Variants in EPHA2 observed in about 807,000 individuals in gnomAD.
EPHA2 encodes ephrin type-A receptor 2.
EPHA2 carries 54 observed loss-of-function variants against 104.9 expected under a neutral mutation model. The ratio of observed to expected loss-of-function variants is 0.51; its 90% CI spans 0.41 to 0.65. The LOEUF (loss-of-function observed/expected upper bound fraction) is 0.65, where lower values mean the gene tolerates loss of function less well. Ranked by LOEUF, EPHA2 falls within the 30% of genes least tolerant of loss-of-function variation. The pLI, the probability that EPHA2 is intolerant of heterozygous loss-of-function variation, is 0.00. For missense variants in EPHA2, 1,117 were observed against 1,369.5 expected (o/e 0.82, Z 2.91); for synonymous variants, 560 against 559.1 (o/e 1.00, Z -0.02).
rs781673577 is a variant in EPHA2 at position 16,148,866 on chromosome 1, G to A, written c.335C>T (p.Ala112Val). ...GTTGAAAGTCTCCTTGCAGGAGCTG[G>A]CGCCACCAGGGAAGCTGTTGCAGTC... is the stretch of plus-strand genomic sequence containing the variant. ...VRDCNSFPGG[A>V]SSCKETFNLY... Residue 112 changes from alanine (A) to valine (V), a missense_variant, in exon 3 of 17, where the codon GCC (alanine) becomes GTC (valine). Ala to Val is a moderately conservative substitution (Grantham distance 64, BLOSUM62 0). Transcript: ENST00000358432. The surrounding 1 kb of genome is among the most constrained non-coding windows in gnomAD (Gnocchi z 4.9). 1.6e-5 allele frequency: 26 copies of A among 1,614,056 alleles called. No homozygotes were observed.
At position 16,138,558 on chromosome 1, in the gene EPHA2, T is replaced by C. The variant is rs547189006; in HGVS notation, c.824-128A>G. ...AGGTCAGTAAATCTCTATGGACCTG[T>C]TTTCTCATCGGCAAAATGTCTTGTG... is the stretch of plus-strand genomic sequence containing the variant. On this transcript the variant is annotated intron_variant, in intron 3 of 16. Transcript: ENST00000358432. The C allele has an allele frequency of 2.9e-6, 4 of 1,375,390 alleles. No individual in the cohort carries two copies. In the East Asian group the frequency reaches 7.0e-5, roughly 24 times the overall value. The allele number at this position is 1,375,390 out of a possible 1,614,324, so 85.2% of individuals were successfully genotyped here. A position where few individuals can be genotyped will look rare whatever the true frequency, so the allele number is the denominator to read the frequency against.
chr1:16,152,747 G>A (rs1359619115), intron 1 of EPHA2, among the ~76,000 whole-genome samples: 1 of 152,204 alleles, frequency 6.6e-6, no homozygotes, highest in East Asian at 1.9e-4. Flanking sequence ...CCAGGCTTCT[G>A]AAGGGTTAAC....
chr1:16,130,545 G>A lies in EPHA2; in HGVS notation c.2476-126C>T, dbSNP rs534795369. ...GAACATCCCAGAAACAGACAGGAAGGGCCTTTCTTGAGCTGCCACCCAACC... is the reference window on the plus strand; with the variant it reads ...GAACATCCCAGAAACAGACAGGAAGAGCCTTTCTTGAGCTGCCACCCAACC... On this transcript the variant is annotated intron_variant, in intron 14 of 16. Coordinates refer to ENST00000358432, the MANE Select transcript of EPHA2 (RefSeq NM_004431.5). This position sits in a 1 kb window ranked among gnomAD's most constrained non-coding sequence, Gnocchi z 4.5. The A allele has an allele frequency of 2.3e-5, 22 of 956,396 alleles. No homozygotes were observed. The African/African-American group carries it at 3.7e-4, about 16-fold the overall frequency. 59.2% of individuals were successfully genotyped at this position (956,396 alleles called of 1,614,324 possible). A position where few individuals can be genotyped will look rare whatever the true frequency, so the allele number is the denominator to read the frequency against.
At chr1:16,129,330 G>T in intron 16 of EPHA2, 104 bp downstream of exon 16, 4 of 1,367,536 alleles carry the variant, frequency 2.9e-6, no homozygotes, top group Non-Finnish European at 4.1e-6. Context: ...AAAGAACAAA[G>T]AGAGGAGCAT....
Position 16,148,689 on chromosome 1 carries a change from C to A in EPHA2, c.512G>T (p.Gly171Val). ...GTAGAAGCCTTTGCGGGTGAGCGGC[C>A]CCACGGAGCGCTCCTCCACGTTCAG... ...VKLNVEERSV[G>V]PLTRKGFYLA... The change falls in exon 3 of 17, where the codon GGG (glycine) becomes GTG (valine). Residue 171 changes from glycine to valine, a missense_variant. Around this residue, in one of 3 missense-constraint regions of EPHA2, gnomAD observed 664 missense variants for 784.8 expected, o/e 0.85. Transcript: ENST00000358432. This position sits in a 1 kb window ranked among gnomAD's most constrained non-coding sequence, Gnocchi z 4.9. 1 of 1,611,924 alleles carries A rather than the reference C, an allele frequency of 6.2e-7. No homozygotes were observed.
At chr1:16,126,212 C>A (rs2024463959) in intron 16 of EPHA2, among the ~76,000 whole-genome samples, 1 of 152,148 alleles carries the variant, frequency 6.6e-6, no homozygotes, top group African/African-American at 2.4e-5. Context: ...CCCTTCCATG[C>A]CCCTCCGTCC....
Position 16,155,889 on chromosome 1 carries a change from C to G in EPHA2, c.44G>C (p.Gly15Ala). Residue 15 changes from glycine to alanine, a missense_variant, in exon 1 of 17, where the codon GGC becomes GCC. Coordinates refer to ENST00000358432, the MANE Select transcript of EPHA2 (RefSeq NM_004431.5). ...CGCCGCGGCCGCGGCCAGCGCACAG[C>G]CCCACAGCAGGGCGAAGCAGGCGCG... ...AARACFALLW[G>A]CALAAAAAAQ... The G allele has an allele frequency of 1.3e-6, 2 of 1,487,546 alleles. No homozygotes were observed. The highest frequency in any genetic ancestry group is 2.9e-5 in the East Asian group (1 of 34,816). The allele number at this position is 1,487,546 out of a possible 1,614,324, so 92.1% of individuals were successfully genotyped here.
intron 3 of EPHA2, among the ~76,000 whole-genome samples, chr1:16,139,951 TG>T (rs2024791077): frequency 6.6e-6 from 1 of 152,284 alleles, no homozygotes; most frequent in Admixed American, 6.5e-5. Flanking sequence ...TGGCCCCTAA[TG>T]GCCTAAGGAC....
chr1:16,130,440 G>T lies in EPHA2; in HGVS notation c.2476-21C>A, dbSNP rs1349763282. On this transcript the variant is annotated intron_variant, in intron 14 of 16. Transcript: ENST00000358432. This position sits in a 1 kb window ranked among gnomAD's most constrained non-coding sequence, Gnocchi z 4.5. ...ATCACCTGGCGGGGCACGAAGGTCA[G>T]GGGCGCTGTTGCAGAAAGCCACTGA... 6.5e-7 allele frequency: 1 copy of T among 1,533,024 alleles called. No homozygotes were observed. The highest frequency in any genetic ancestry group is 1.3e-5 in the South Asian group (1 of 77,556). The allele number at this position is 1,533,024 out of a possible 1,614,324, so 95.0% of individuals were successfully genotyped here.
At chr1:16,154,096 T>G (rs1301469430) in intron 1 of EPHA2, among the ~76,000 whole-genome samples, 7 of 152,006 alleles carry the variant, frequency 4.6e-5, no homozygotes, top group Non-Finnish European at 1.0e-4. Flanking sequence ...GCTCCAGGCT[T>G]CCAGGCCAGC....
chr1:16,127,969 C>T (rs1424621244), intron 16 of EPHA2, among the ~76,000 whole-genome samples: 1 of 152,182 alleles, frequency 6.6e-6, no homozygotes, highest in Admixed American at 6.5e-5. Flanking sequence ...CTCTGGTCCC[C>T]AGAAGAGAGG....
In EPHA2 at chr1:16,148,656, A is replaced by T; in HGVS notation, c.545T>A (p.Phe182Tyr). 6.2e-7 allele frequency: 1 copy of T among 1,609,572 alleles called. No individual in the cohort carries two copies. Among genetic ancestry groups the T allele is most frequent in the Non-Finnish European group, 8.5e-7 (1 of 1,180,012 alleles). The change falls in exon 3 of 17, where the codon TTC becomes TAC. Residue 182 changes from phenylalanine to tyrosine, a missense_variant. By Grantham distance (22) the Phe-to-Tyr change is conservative. Around this residue, in one of 3 missense-constraint regions of EPHA2, gnomAD observed 664 missense variants for 784.8 expected, o/e 0.85. Coordinates refer to ENST00000358432, the MANE Select transcript of EPHA2 (RefSeq NM_004431.5). The surrounding 1 kb of genome is among the most constrained non-coding windows in gnomAD (Gnocchi z 4.9). ...CGCCACACAGGCACCGATATCCTGG[A>T]AGGCCAGGTAGAAGCCTTTGCGGGT... The part of the protein sequence containing the change: ...PLTRKGFYLA[F>Y]QDIGACVALL...
intron 3 of EPHA2, among the ~76,000 whole-genome samples, chr1:16,145,238 G>A (rs916338189): frequency 2.6e-5 from 4 of 152,200 alleles, no homozygotes; most frequent in Non-Finnish European, 4.4e-5. Flanking sequence ...GGGGGACAGC[G>A]GTCAGCCCGA....
At position 16,148,490 on chromosome 1, in the gene EPHA2, T is replaced by C. The variant is rs756307035; in HGVS notation, c.711A>G (p.Pro237=). ...GCATACGGGGCTCTTCACCCCCCGG[T>C]GGCACCACGGCATGGTCCACACAGG... ...AGTCVDHAVV[P]PGGEEPRMHC... Residue 237 remains proline (P), a synonymous_variant, in exon 3 of 17, where the codon CCA becomes CCG. Coordinates refer to ENST00000358432, the MANE Select transcript of EPHA2 (RefSeq NM_004431.5). The surrounding 1 kb of genome is among the most constrained non-coding windows in gnomAD (Gnocchi z 4.9). 1 of 1,613,864 alleles carries C rather than the reference T, an allele frequency of 6.2e-7. No individual in the cohort carries two copies. The highest frequency in any genetic ancestry group is 8.5e-7 in the Non-Finnish European group (1 of 1,180,030).
At chr1:16,154,824 C>G (rs1018881476) in intron 1 of EPHA2, among the ~76,000 whole-genome samples, 12 of 151,970 alleles carry the variant, frequency 7.9e-5, no homozygotes, top group African/African-American at 2.2e-4. Flanking sequence ...CGGCTTCCCC[C>G]TTGTGGAGCC....
chr1:16,135,518 A>G lies in EPHA2; in HGVS notation c.1428+137T>C. The G allele has an allele frequency of 1.2e-6, 1 of 859,090 alleles. No homozygotes were observed. The highest frequency in any genetic ancestry group is 2.6e-5 in the East Asian group (1 of 38,778). 53.2% of individuals were successfully genotyped at this position (859,090 alleles called of 1,614,324 possible). On this transcript the variant is annotated intron_variant, in intron 6 of 16. Coordinates refer to ENST00000358432, the MANE Select transcript of EPHA2 (RefSeq NM_004431.5). The surrounding 1 kb of genome is among the most constrained non-coding windows in gnomAD (Gnocchi z 4.3). ...GCCTTGGGAGATGTAACCCCCTGGC[A>G]GACCCCAGGCCTCAGTTTCCCCATC...
At chr1:16,144,536 G>A (rs1002779298) in intron 3 of EPHA2, among the ~76,000 whole-genome samples, 6 of 152,194 alleles carry the variant, frequency 3.9e-5, no homozygotes, top group African/African-American at 9.6e-5. Context: ...TGGACTTTAG[G>A]CCACTGGGGC....
rs2024968387 is a variant in EPHA2, at chr1:16,148,273, T to A, written c.823+105A>T. 7.1e-7 allele frequency: 1 copy of A among 1,407,388 alleles called. No homozygotes were observed. The allele number at this position is 1,407,388 out of a possible 1,614,324, so 87.2% of individuals were successfully genotyped here. ...AATTTCCACTAACAGAACTAATGTG[T>A]GTCAAAGCAGGGATGAGCTTACCAA... On this transcript the variant is annotated intron_variant, in intron 3 of 16. Coordinates refer to ENST00000358432, the MANE Select transcript of EPHA2 (RefSeq NM_004431.5). The surrounding 1 kb of genome is among the most constrained non-coding windows in gnomAD (Gnocchi z 4.9).
At chr1:16,137,787 G>T in intron 5 of EPHA2, 66 bp downstream of exon 5, 1 of 1,590,592 alleles carries the variant, frequency 6.3e-7, no homozygotes, top group Non-Finnish European at 8.6e-7. Flanking sequence ...AGCCCCAGAT[G>T]GCCGTCCTCC....
Sources: allele counts gnomAD v4.1 joint callset (sites outside exome capture counted in the v4.1 genomes callset), GRCh38; gene constraint gnomAD v4.1.1; regional missense constraint gnomAD v4.1.1; non-coding constraint Gnocchi (gnomAD v3.1); transcripts MANE v1.5; gene names NCBI Gene and HGNC (gene_info 2026-07-23, HGNC 2026-07-21).